CRISPLD2: variants seen among roughly 807,000 people sequenced by gnomAD.
CRISPLD2 encodes cysteine-rich secretory protein LCCL domain-containing 2.
In CRISPLD2, 47 loss-of-function variants were observed where a neutral mutation model predicts 71.1. The observed-to-expected ratio is 0.66, with a 90% CI of 0.52 to 0.84. CRISPLD2 has a LOEUF of 0.84. Ranked by LOEUF, CRISPLD2 falls within the 40% of genes least tolerant of loss-of-function variation. The pLI is 0.00. For synonymous variants in CRISPLD2, 317 were observed against 250.1 expected, an observed-to-expected ratio of 1.27 and a Z score of -2.52; for missense variants, 830 against 651.1, an observed-to-expected ratio of 1.27 and a Z score of -2.99.
At chr16:84,867,410 C>G (rs1020785634) in intron 7 of CRISPLD2, among the ~76,000 whole-genome samples, 5 of 152,192 alleles carry the variant, frequency 3.3e-5, no homozygotes, top group East Asian at 1.9e-4. Flanking sequence ...AGGTTCCACT[C>G]CTTTCTCACC....
chr16:84,842,236 C>G (rs1916790605), intron 2 of CRISPLD2: 1 of 152,034 alleles, frequency 6.6e-6, no homozygotes, highest in Non-Finnish European at 1.5e-5. Flanking sequence ...TCACTGCGTT[C>G]CCTCGTGCCA....
intron 2 of CRISPLD2, among the ~76,000 whole-genome samples, chr16:84,841,649 G>A (rs1916775284): frequency 6.6e-6 from 1 of 151,938 alleles, no homozygotes; most frequent in Admixed American, 6.6e-5. Flanking sequence ...AGGCTGGAGT[G>A]CAGTGGCGTG....
chr16:84,895,614 G>A (rs1340765037), intron 14 of CRISPLD2, among the ~76,000 whole-genome samples: 2 of 152,066 alleles, frequency 1.3e-5, no homozygotes, highest in African/African-American at 4.8e-5. Flanking sequence ...TAAGAATAAT[G>A]ATATATTTCA....
chr16:84,868,128 A>G (rs1401888030), intron 7 of CRISPLD2, among the ~76,000 whole-genome samples: 1 of 152,066 alleles, frequency 6.6e-6, no homozygotes, highest in Non-Finnish European at 1.5e-5. Context: ...TCTTCTTTTC[A>G]TAACTACCAT....
At chr16:84,900,865 G>A (rs2968152) in intron 14 of CRISPLD2, among the ~76,000 whole-genome samples, 32,753 of 151,836 alleles carry the variant, frequency 0.22, 5,640 homozygotes, top group East Asian at 0.48. Flanking sequence ...CAGCATGGGC[G>A]GCATGGTGAA....
At chr16:84,842,665 T>C (rs902300823) in intron 2 of CRISPLD2, among the ~76,000 whole-genome samples, 2 of 152,118 alleles carry the variant, frequency 1.3e-5, no homozygotes, top group Non-Finnish European at 2.9e-5. Context: ...TGAACCACTG[T>C]GCCCAACCTA....
chr16:84,846,074 A>G (rs1916906552), intron 3 of CRISPLD2, 170 bp downstream of exon 3: 1 of 524,716 alleles, frequency 1.9e-6, no homozygotes, highest in South Asian at 2.7e-5. Flanking sequence ...CTCCTGAGTG[A>G]CTGACAAAAT....
At chr16:84,864,545 G>A (rs746531376) in intron 6 of CRISPLD2, among the ~76,000 whole-genome samples, 5 of 152,302 alleles carry the variant, frequency 3.3e-5, no homozygotes, top group Middle Eastern at 6.8e-3. Flanking sequence ...CTGCAAACCC[G>A]GTGTCTTCCT....
At chr16:84,899,386 G>A (rs1358456124) in intron 14 of CRISPLD2, among the ~76,000 whole-genome samples, 1 of 152,150 alleles carries the variant, frequency 6.6e-6, no homozygotes, top group African/African-American at 2.4e-5. Context: ...GGGAAAGAAG[G>A]GCGGGAAGGG....
intron 1 of CRISPLD2, among the ~76,000 whole-genome samples, chr16:84,833,190 C>T (rs988934302): frequency 2.0e-5 from 3 of 152,288 alleles, no homozygotes; most frequent in East Asian, 3.9e-4. Flanking sequence ...CTGGGCAGCG[C>T]GGGAGAAGTG....
At chr16:84,850,889 C>G (rs748777395) in intron 5 of CRISPLD2, among the ~76,000 whole-genome samples, 3 of 152,184 alleles carry the variant, frequency 2.0e-5, no homozygotes, top group Non-Finnish European at 4.4e-5. Flanking sequence ...CCGTACCATT[C>G]TCTCCTCATG....
intron 11 of CRISPLD2, among the ~76,000 whole-genome samples, chr16:84,874,373 G>A (rs1017175193): frequency 5.9e-5 from 9 of 152,228 alleles, no homozygotes; most frequent in African/African-American, 2.2e-4. Flanking sequence ...TGTCTGCCAT[G>A]AGCAAGAGAG....
chr16:84,860,054 T>C (rs1368551534), intron 6 of CRISPLD2, among the ~76,000 whole-genome samples: 1 of 147,440 alleles, frequency 6.8e-6, no homozygotes, highest in Non-Finnish European at 1.5e-5. Context: ...AAATGACTAA[T>C]CCACTCTACC....
At chr16:84,856,954 C>CA (rs1177327830) in intron 6 of CRISPLD2, among the ~76,000 whole-genome samples, 1 of 152,230 alleles carries the variant, frequency 6.6e-6, no homozygotes, top group Non-Finnish European at 1.5e-5. Context: ...GCATTGCACG[C>CA]AAAATGGGTA....
At chr16:84,877,017 A>T (rs1413332062) in intron 11 of CRISPLD2, among the ~76,000 whole-genome samples, 1 of 152,178 alleles carries the variant, frequency 6.6e-6, no homozygotes, top group African/African-American at 2.4e-5. Flanking sequence ...TAGAGCAGGC[A>T]CTGGAAAGCT....
chr16:84,880,414 G>A (rs571781703), intron 12 of CRISPLD2, 95 bp from the exon 13 acceptor site: 7 of 942,056 alleles, frequency 7.4e-6, no homozygotes, highest in African/African-American at 4.9e-5. Flanking sequence ...TTTCATCTAC[G>A]AACTTAAATC....
At chr16:84,830,990 GT>G (rs1486393701) in intron 1 of CRISPLD2, among the ~76,000 whole-genome samples, 3 of 152,162 alleles carry the variant, frequency 2.0e-5, no homozygotes, top group Non-Finnish European at 4.4e-5. Context: ...TTTTTGCTTG[GT>G]TTTTGTTTTG....
In CRISPLD2 at chr16:84,820,270, C is replaced by G. The variant is rs567220080; in HGVS notation, c.-75+137C>G. 2.6e-5 allele frequency: 4 copies of G among 152,204 alleles called. No homozygotes were observed. In the East Asian group the frequency reaches 7.8e-4, roughly 29 times the overall value. The allele number at this position is 152,204 out of a possible 1,614,324, so 9.4% of individuals were successfully genotyped here. On this transcript the variant is annotated intron_variant, in intron 1 of 14. Coordinates refer to ENST00000262424, the MANE Select transcript of CRISPLD2 (RefSeq NM_031476.4). ...CGAGTGCTCTGCTTGCATAGCGGAA[C>G]ACAGCTTTGCGACATGCCCTTTTGC...
intron 6 of CRISPLD2, among the ~76,000 whole-genome samples, chr16:84,861,976 C>T (rs992268211): frequency 6.6e-6 from 1 of 152,108 alleles, no homozygotes; most frequent in South Asian, 2.1e-4. Flanking sequence ...AAGCAAACAA[C>T]GTGATATTCC....
Sources: allele counts gnomAD v4.1 joint callset (sites outside exome capture counted in the v4.1 genomes callset), GRCh38; gene constraint gnomAD v4.1.1; transcripts MANE v1.5; gene names NCBI Gene and HGNC (gene_info 2026-07-23, HGNC 2026-07-21).